ITPA: variants seen among roughly 807,000 people sequenced by gnomAD.
ITPA encodes inosine triphosphatase.
In ITPA, 29 loss-of-function variants were observed where a neutral mutation model predicts 29.6. The ratio of observed to expected loss-of-function variants is 0.98; its 90% CI spans 0.73 to 1.34. The LOEUF (loss-of-function observed/expected upper bound fraction) is 1.34. Among genes scored for constraint, ITPA ranks in the 40% most tolerant of loss-of-function variants. The pLI, the probability that ITPA is intolerant of heterozygous loss-of-function variation, is 0.00. For missense variants in ITPA, 241 were observed against 251.5 expected, an observed-to-expected ratio of 0.96 and a Z score of 0.28; for synonymous variants, 103 against 99.3, an observed-to-expected ratio of 1.04 and a Z score of -0.22.
At chr20:3,217,817 C>G (rs1041104291) in intron 5 of ITPA, among the ~76,000 whole-genome samples, 1 of 152,018 alleles carries the variant, frequency 6.6e-6, no homozygotes, top group Non-Finnish European at 1.5e-5. Flanking sequence ...AACAAGTAAA[C>G]TATAATCATT....
intron 3 of ITPA, 147 bp from the exon 4 acceptor site, chr20:3,213,838 T>C (rs1250162640): frequency 3.6e-6 from 3 of 829,358 alleles, no homozygotes; most frequent in East Asian, 2.4e-5. Flanking sequence ...AGTTAAGAGA[T>C]TGGCCGAGGG....
upstream of ITPA, among the ~76,000 whole-genome samples, chr20:3,206,841 AAAAG>A (rs1408608770): frequency 1.3e-5 from 2 of 151,310 alleles, no homozygotes; most frequent in African/African-American, 4.8e-5. Flanking sequence ...AAAAAAAAAA[AAAAG>A]AAGAAGAAAG....
At chr20:3,226,309 G>A (rs988191918), downstream of ITPA, among the ~76,000 whole-genome samples, 3 of 152,190 alleles carry the variant, frequency 2.0e-5, no homozygotes, top group Non-Finnish European at 4.4e-5. The surrounding 1 kb of genome is among the most constrained non-coding windows in gnomAD (Gnocchi z 4.4). Context: ...CAAATCCCTC[G>A]CGTGGTCACA....
upstream of ITPA, among the ~76,000 whole-genome samples, chr20:3,204,857 T>G (rs1353230530): frequency 6.7e-6 from 1 of 148,956 alleles, no homozygotes; most frequent in East Asian, 1.9e-4. Flanking sequence ...AACATCTATG[T>G]ATGTTTTTTT....
rs1315823748 is a variant in ITPA at position 3,221,831 on chromosome 20, C to G, written c.412-10C>G. On this transcript the variant is annotated splice_polypyrimidine_tract_variant and intron_variant, in intron 6 of 7. Transcript: ENST00000380113. Reference sequence around the variant, plus strand: ...CCAGTTACACACCTGTCCCCCCTTTCCTGTGGCAGGGCCGGATCGTGGCAC... The same window carrying G: ...CCAGTTACACACCTGTCCCCCCTTTGCTGTGGCAGGGCCGGATCGTGGCAC... 1 of 1,614,000 alleles carries G rather than the reference C, an allele frequency of 6.2e-7. No individual in the cohort carries two copies. Among genetic ancestry groups the G allele is most frequent in the African/African-American group, 1.3e-5 (1 of 74,950 alleles).
At chr20:3,207,265 A>AT (rs1196285580), upstream of ITPA, among the ~76,000 whole-genome samples, 1 of 152,040 alleles carries the variant, frequency 6.6e-6, no homozygotes, top group East Asian at 1.9e-4. Context: ...AATTTTTTGT[A>AT]TTTTTTGTAG....
intron 4 of ITPA, 174 bp from the exon 5 acceptor site, chr20:3,215,107 T>A (rs2067263415): frequency 1.5e-6 from 1 of 654,938 alleles, no homozygotes; most frequent in Non-Finnish European, 2.8e-6. Context: ...GCTCAAGCGA[T>A]CCGCCTGCCT....
upstream of ITPA, among the ~76,000 whole-genome samples, chr20:3,205,336 CTTTT>C (rs1361813920): frequency 6.9e-6 from 1 of 145,956 alleles, no homozygotes; most frequent in African/African-American, 2.5e-5. Context: ...TTCTTTCTTT[CTTTT>C]GAGGGGAAGG....
upstream of ITPA, among the ~76,000 whole-genome samples, chr20:3,206,828 CAAAA>C (rs1338065685): frequency 1.2e-5 from 1 of 83,832 alleles, no homozygotes. Flanking sequence ...GAGACTGTCT[CAAAA>C]AAAAAAAAAA....
chr20:3,209,598 A>C lies in ITPA; in HGVS notation c.47A>C (p.Asn16Thr). ...AAGAAGATCGTGTTTGTAACGGGGA[A>C]CGCCAAGAAGCTGGAGGAGGTGCCG... The part of the protein sequence containing the change: ...VGKKIVFVTG[N>T]AKKLEEVVQI... Residue 16 changes from asparagine to threonine, a missense_variant, in exon 1 of 8, where the codon AAC becomes ACC. Asn to Thr is a moderately conservative substitution (Grantham distance 65, BLOSUM62 0). Coordinates refer to ENST00000380113, the MANE Select transcript of ITPA (RefSeq NM_033453.4). The surrounding 1 kb of genome is among the most constrained non-coding windows in gnomAD (Gnocchi z 4.6). The C allele has an allele frequency of 6.2e-7, 1 of 1,614,012 alleles. No homozygotes were observed. The highest frequency in any genetic ancestry group is 8.5e-7 in the Non-Finnish European group (1 of 1,179,998).
rs543752480 is a variant in ITPA at position 3,209,785 on chromosome 20, G to A, written c.66+168G>A. ...TGTGGAAAAGCTGGGGCGCAAGAAG[G>A]GAGTGGCTGCAGAATCGGGGCGCCC... On this transcript the variant is annotated intron_variant, in intron 1 of 7. Coordinates refer to ENST00000380113, the MANE Select transcript of ITPA (RefSeq NM_033453.4). This position sits in a 1 kb window ranked among gnomAD's most constrained non-coding sequence, Gnocchi z 4.6. Among the ~76,000 whole-genome samples, 18 of 152,308 alleles carry A rather than the reference G, an allele frequency of 1.2e-4. No homozygotes were observed. Among genetic ancestry groups the A allele is most frequent in the African/African-American group, 4.3e-4 (18 of 41,566 alleles).
intron 5 of ITPA, among the ~76,000 whole-genome samples, chr20:3,216,932 G>A (rs1192910688): frequency 1.3e-5 from 2 of 151,806 alleles, no homozygotes; most frequent in Non-Finnish European, 2.9e-5. Flanking sequence ...CCAGGCTAGA[G>A]TGCAGTGGTG....
At chr20:3,209,339 T>G, upstream of ITPA, 1 of 645,164 alleles carries the variant, frequency 1.5e-6, no homozygotes, top group South Asian at 1.7e-5. The surrounding 1 kb of genome is among the most constrained non-coding windows in gnomAD (Gnocchi z 4.6). Flanking sequence ...TCACTCAGTC[T>G]CCAGGCTCGG....
Position 3,223,499 on chromosome 20 carries a change from C to A in ITPA, c.*37C>A. The A allele has an allele frequency of 1.3e-6, 2 of 1,531,286 alleles. No individual in the cohort carries two copies. Among genetic ancestry groups the A allele is most frequent in the Non-Finnish European group, 1.8e-6 (2 of 1,115,274 alleles). 94.9% of individuals were successfully genotyped at this position (1,531,286 alleles called of 1,614,324 possible). On this transcript the variant is annotated 3_prime_UTR_variant, in exon 8 of 8. Transcript: ENST00000380113. ...GGAGGAGGCCCCTCAGGCCGGGGAT[C>A]TGGGGAGGGCTAGCCCAAAACCTCC...
downstream of ITPA, among the ~76,000 whole-genome samples, chr20:3,224,321 T>C (rs2067535696): frequency 5.3e-5 from 8 of 152,342 alleles, 1 homozygote; most frequent in South Asian, 1.7e-3. Flanking sequence ...CACACGCCCT[T>C]ACTCTGTGCC....
downstream of ITPA, among the ~76,000 whole-genome samples, chr20:3,225,479 A>G (rs1326517719): frequency 6.6e-6 from 1 of 152,170 alleles, no homozygotes; most frequent in East Asian, 1.9e-4. Context: ...AGACCTCCAT[A>G]AAAACCCAAA....
At chr20:3,209,444 G>T, upstream of ITPA, 2 of 1,072,398 alleles carry the variant, frequency 1.9e-6, no homozygotes, top group Non-Finnish European at 1.4e-6. This position sits in a 1 kb window ranked among gnomAD's most constrained non-coding sequence, Gnocchi z 4.6. Flanking sequence ...CTTTCCCCGG[G>T]ACCCCTGGCC....
intron 7 of ITPA, among the ~76,000 whole-genome samples, chr20:3,222,157 C>A (rs1034539002): frequency 3.3e-5 from 5 of 152,046 alleles, no homozygotes; most frequent in Admixed American, 1.3e-4. Flanking sequence ...CCAGGTCACC[C>A]CACATCAGCT....
rs1039920137 is a variant in ITPA, at chr20:3,222,332, C to T, written c.488+415C>T. Among the ~76,000 whole-genome samples the T allele has an allele frequency of 1.6e-4, 24 of 151,794 alleles. 1 individual carries two copies. The highest frequency in any genetic ancestry group is 3.4e-3 in the Middle Eastern group (1 of 294). On this transcript the variant is annotated intron_variant, in intron 7 of 7. Transcript: ENST00000380113. ...CTGCCTCCCAGGTTCAAGCAATTCT[C>T]CTGTCTCAGCTGAGATTACAGGCAC...
Sources: allele counts gnomAD v4.1 joint callset (sites outside exome capture counted in the v4.1 genomes callset), GRCh38; gene constraint gnomAD v4.1.1; non-coding constraint Gnocchi (gnomAD v3.1); transcripts MANE v1.5; gene names NCBI Gene and HGNC (gene_info 2026-07-23, HGNC 2026-07-21).